HIVEP3: variants seen among roughly 807,000 people sequenced by gnomAD.
The protein encoded by HIVEP3 is HIVEP zinc finger 3.
HIVEP3 carries 49 observed loss-of-function variants against 152.8 expected under a neutral mutation model. The observed-to-expected ratio is 0.32, with a 90% CI of 0.26 to 0.41. HIVEP3 has a LOEUF of 0.41. Among genes scored for constraint, HIVEP3 ranks in the 10% least tolerant of loss-of-function variants. The pLI is 1.00. For missense variants in HIVEP3, 2,790 were observed against 3,103.3 expected, an observed-to-expected ratio of 0.90 and a Z score of 2.40; for synonymous variants, 1,269 against 1,289.0, an observed-to-expected ratio of 0.98 and a Z score of 0.33.
intron 1 of HIVEP3, among the ~76,000 whole-genome samples, chr1:41,844,930 G>A (rs1643394099): frequency 6.6e-6 from 1 of 152,212 alleles, no homozygotes; most frequent in Non-Finnish European, 1.5e-5. Flanking sequence ...AGGTCACCAG[G>A]AACAGCCTGG....
rs1335756713 is a variant in HIVEP3, at chr1:41,918,050, C to G, written c.-801+363G>C. Reference sequence around the variant, plus strand: ...CGGCCGCCAGTGCGCGGGTGCAGAGCCCAGCAGAGCCTGCTGCAAGCAGCG... The same window carrying G: ...CGGCCGCCAGTGCGCGGGTGCAGAGGCCAGCAGAGCCTGCTGCAAGCAGCG... On this transcript the variant is annotated intron_variant, in intron 1 of 8. Transcript: ENST00000372583. This position sits in a 1 kb window ranked among gnomAD's most constrained non-coding sequence, Gnocchi z 4.3. Among the ~76,000 whole-genome samples the G allele has an allele frequency of 3.3e-5, 5 of 152,224 alleles. No individual in the cohort carries two copies. The highest frequency in any genetic ancestry group is 7.2e-5 in the African/African-American group (3 of 41,468).
intron 1 of HIVEP3, among the ~76,000 whole-genome samples, chr1:41,867,134 C>A (rs556840555): frequency 3.4e-4 from 52 of 152,250 alleles, no homozygotes; most frequent in Middle Eastern, 3.4e-3. Flanking sequence ...AGAGGGGACA[C>A]TCCAGCAGGA....
chr1:41,908,316 T>C (rs972749819), intron 1 of HIVEP3, among the ~76,000 whole-genome samples: 3 of 152,216 alleles, frequency 2.0e-5, no homozygotes, highest in Admixed American at 6.5e-5. Context: ...GTACCTGATA[T>C]ACTTTTGCAT....
Position 41,714,294 on chromosome 1 carries a change from AGAG to A in HIVEP3, c.-800-13302_-800-13300del, listed in dbSNP as rs1429170000. 7.2e-5 allele frequency among the ~76,000 whole-genome samples: 11 copies of A among 152,314 alleles called. No individual in the cohort carries two copies. In the East Asian group the frequency reaches 2.1e-3, roughly 29 times the overall value. On this transcript the variant is annotated intron_variant, in intron 1 of 8. Coordinates refer to ENST00000372583, the MANE Select transcript of HIVEP3 (RefSeq NM_024503.5). ...GGAGGTGGGGATGGAAAGGGAGAAAAGAGGAGAAGAAGTGGAGGACGGGAAGAA... is the reference window on the plus strand; with the variant it reads ...GGAGGTGGGGATGGAAAGGGAGAAAAGAGAAGAAGTGGAGGACGGGAAGAA...
At chr1:41,638,250 A>G (rs888722067) in intron 2 of HIVEP3, among the ~76,000 whole-genome samples, 2 of 78,130 alleles carry the variant, frequency 2.6e-5, no homozygotes, top group Admixed American at 1.2e-4. Context: ...GAAATAAAGA[A>G]AGAGAGAGAA....
chr1:41,620,847 T>C (rs1206521008), intron 3 of HIVEP3, among the ~76,000 whole-genome samples: 1 of 152,208 alleles, frequency 6.6e-6, no homozygotes, highest in Non-Finnish European at 1.5e-5. Context: ...GGTTCAACAA[T>C]TACTGATCAA....
At chr1:41,736,755 T>C (rs6685746) in intron 1 of HIVEP3, among the ~76,000 whole-genome samples, 7,183 of 152,262 alleles carry the variant, frequency 0.047, 594 homozygotes, top group African/African-American at 0.16. Context: ...ATGTGTGTCC[T>C]TGGGTGGCTC....
intron 1 of HIVEP3, among the ~76,000 whole-genome samples, chr1:41,976,696 G>T (rs937627018): frequency 6.6e-6 from 1 of 152,208 alleles, no homozygotes; most frequent in African/African-American, 2.4e-5. Flanking sequence ...GATGTAATTA[G>T]TTAAGATGAG....
rs768858946 is a variant in HIVEP3, at chr1:41,582,457, C to T, written c.2341G>A (p.Gly781Arg). The T allele has an allele frequency of 4.3e-6, 7 of 1,614,002 alleles. No individual in the cohort carries two copies. In the Admixed American group the frequency reaches 6.7e-5, roughly 15 times the overall value. Residue 781 changes from glycine to arginine, a missense_variant, in exon 4 of 9, where the codon GGG becomes AGG. By Grantham distance (125) the Gly-to-Arg change is moderately radical (BLOSUM62 -2). Coordinates refer to ENST00000372583, the MANE Select transcript of HIVEP3 (RefSeq NM_024503.5). The surrounding 1 kb of genome is among the most constrained non-coding windows in gnomAD (Gnocchi z 4.7). Reference sequence around the variant, plus strand: ...TCCTTCCCTGATTCTGAACCGGACCCTGGCTTGGGAGTCCTTGGCTGGAAG... The same window carrying T: ...TCCTTCCCTGATTCTGAACCGGACCTTGGCTTGGGAGTCCTTGGCTGGAAG... ...TGFQPRTPKP[G>R]SGSESGKERR...
At chr1:41,617,059 T>C (rs1402206285) in intron 3 of HIVEP3, among the ~76,000 whole-genome samples, 1 of 152,226 alleles carries the variant, frequency 6.6e-6, no homozygotes, top group Non-Finnish European at 1.5e-5. Flanking sequence ...CCTGTGCTCC[T>C]AACCACTCTA....
intron 3 of HIVEP3, among the ~76,000 whole-genome samples, chr1:41,604,869 C>T (rs6682012): frequency 0.017 from 2,574 of 151,906 alleles, 77 homozygotes; most frequent in African/African-American, 0.059. Context: ...TTTGGGAGGC[C>T]GAGGTGAGTG....
chr1:41,848,609 T>C lies in HIVEP3; in HGVS notation c.-801+69804A>G, dbSNP rs113998968. Among the ~76,000 whole-genome samples the C allele has an allele frequency of 1.2e-3, 187 of 152,012 alleles. 1 individual carries two copies. Among genetic ancestry groups the C allele is most frequent in the African/African-American group, 4.1e-3 (172 of 41,472 alleles). On this transcript the variant is annotated intron_variant, in intron 1 of 8. Transcript: ENST00000372583. ...CAACAGGGTGGAAGGGTAGAGAGAA[T>C]TGCAGGAAGAAGGAGGGACCCAGGA...
intron 5 of HIVEP3, among the ~76,000 whole-genome samples, chr1:41,563,184 TAA>T (rs920211736): frequency 2.0e-5 from 3 of 151,828 alleles, no homozygotes; most frequent in Admixed American, 6.6e-5. Context: ...CCATCTCTAC[TAA>T]AAATACAAAA....
At position 41,581,285 on chromosome 1, in the gene HIVEP3, G is replaced by T; in HGVS notation, c.3513C>A (p.Leu1171=). ...EFFSTQAMSS[L]LSSPYSMPPL... is the part of the protein sequence containing the mutation. ...GGGGCATGGAGTATGGTGAGGACAGGAGGCTGGACATGGCCTGGGTGGAGA... is the reference window on the plus strand; with the variant it reads ...GGGGCATGGAGTATGGTGAGGACAGTAGGCTGGACATGGCCTGGGTGGAGA... Residue 1171 remains leucine, a synonymous_variant, in exon 4 of 9, where the codon CTC becomes CTA. Coordinates refer to ENST00000372583, the MANE Select transcript of HIVEP3 (RefSeq NM_024503.5). The surrounding 1 kb of genome is among the most constrained non-coding windows in gnomAD (Gnocchi z 4.5). The T allele has an allele frequency of 6.2e-7, 1 of 1,610,740 alleles. No homozygotes were observed. The highest frequency in any genetic ancestry group is 8.5e-7 in the Non-Finnish European group (1 of 1,178,536).
chr1:41,938,905 C>A (rs1289567697), intron 1 of HIVEP3, among the ~76,000 whole-genome samples: 1 of 152,212 alleles, frequency 6.6e-6, no homozygotes, highest in Non-Finnish European at 1.5e-5. Flanking sequence ...GATTGAAATG[C>A]TGCTGTTCAT....
chr1:41,521,275 G>A (rs1031447504), intron 6 of HIVEP3, among the ~76,000 whole-genome samples: 1 of 152,234 alleles, frequency 6.6e-6, no homozygotes, highest in Non-Finnish European at 1.5e-5. Context: ...CAGCCCAGGG[G>A]CTCTGCCACG....
At position 41,510,981 on chromosome 1, in the gene HIVEP3, C is replaced by T. The variant is rs144759096; in HGVS notation, c.6691G>A (p.Asp2231Asn). The change falls in exon 9 of 9, where the codon GAC (aspartate) becomes AAC (asparagine). Residue 2231 changes from aspartate to asparagine, a missense_variant. Asp to Asn is a conservative substitution (Grantham distance 23). Transcript: ENST00000372583. Reference protein sequence around the residue: ...WVSGFSGGGSDLTGAREAQER... With the variant: ...WVSGFSGGGSNLTGAREAQER... Reference sequence around the variant, plus strand: ...TGGGCCTCCCGGGCCCCTGTCAGGTCGCTGCCACCCCCGGAGAAGCCACTG... The same window carrying T: ...TGGGCCTCCCGGGCCCCTGTCAGGTTGCTGCCACCCCCGGAGAAGCCACTG... 2.9e-4 allele frequency: 469 copies of T among 1,613,480 alleles called. 1 individual carries two copies. In the African/African-American group the frequency reaches 4.6e-3, roughly 16 times the overall value.
intron 3 of HIVEP3, among the ~76,000 whole-genome samples, chr1:41,619,650 G>A (rs1645018445): frequency 2.0e-5 from 3 of 152,190 alleles, no homozygotes. Context: ...ACTGGTATGG[G>A]TGTTAGGAGT....
intron 4 of HIVEP3, among the ~76,000 whole-genome samples, chr1:41,577,009 G>A (rs762574927): frequency 1.3e-5 from 2 of 152,084 alleles, no homozygotes; most frequent in Non-Finnish European, 2.9e-5. Flanking sequence ...ACTGCACCCC[G>A]GCCTGAGATC....
Sources: allele counts gnomAD v4.1 joint callset (sites outside exome capture counted in the v4.1 genomes callset), GRCh38; gene constraint gnomAD v4.1.1; non-coding constraint Gnocchi (gnomAD v3.1); transcripts MANE v1.5; gene names NCBI Gene and HGNC (gene_info 2026-07-23, HGNC 2026-07-21).